The following DMD variants were observed in gnomAD, a reference collection of about 807,000 sequenced individuals.
DMD encodes the protein mutant dystrophin.
In DMD, 63 loss-of-function variants were observed where a neutral mutation model predicts 330.1. The observed-to-expected ratio is 0.19, with a 90% CI of 0.16 to 0.24. The LOEUF (loss-of-function observed/expected upper bound fraction) is 0.24, where lower values mean the gene tolerates loss of function less well. Among genes scored for constraint, DMD ranks in the 10% least tolerant of loss-of-function variants. The probability of loss-of-function intolerance (pLI) is 1.00; values close to 1 mark genes in which losing one functional copy is unlikely to be tolerated. For synonymous variants in DMD, 1,223 were observed against 959.8 expected (o/e 1.27, Z -5.07); for missense variants, 3,344 against 2,684.1 (o/e 1.25, Z -5.43).
chrX:31,141,686 G>A (rs1047796902), intron 76 of DMD, among the ~76,000 whole-genome samples: 7 of 111,225 alleles, frequency 6.3e-5, no homozygotes, highest in African/African-American at 2.3e-4. Flanking sequence ...TGTATAGATT[G>A]GGAAATTGGA....
chrX:31,762,902 T>C (rs1389742192), intron 51 of DMD, among the ~76,000 whole-genome samples: 1 of 112,693 alleles, frequency 8.9e-6, no homozygotes, highest in African/African-American at 3.2e-5. Context: ...TCATTCATCA[T>C]TGACCAAAAC....
intron 47 of DMD, among the ~76,000 whole-genome samples, chrX:31,894,133 T>C (rs899863806): frequency 8.9e-6 from 1 of 112,112 alleles, no homozygotes; most frequent in Non-Finnish European, 1.9e-5. Flanking sequence ...CCTAAGCAGA[T>C]GTAAGCTTAA....
At position 33,248,127 on chromosome X, in the gene DMD, C is replaced by T. The variant is rs189036204; in HGVS notation, c.7+91132G>A. On this transcript the variant is annotated intron_variant, in intron 1 of 17. Transcript: ENST00000288447. Reference sequence around the variant, plus strand: ...CGCGATCTCAGCTCACTGTAAGCTCCGCCTCCCGGGTTCACACCATTCTCC... The same window carrying T: ...CGCGATCTCAGCTCACTGTAAGCTCTGCCTCCCGGGTTCACACCATTCTCC... 1.2e-4 allele frequency among the ~76,000 whole-genome samples: 13 copies of T among 111,141 alleles called. No individual in the cohort carries two copies. The East Asian group carries it at 2.0e-3, about 17-fold the overall frequency.
At chrX:31,653,197 G>A (rs1475557694) in intron 54 of DMD, among the ~76,000 whole-genome samples, 1 of 111,171 alleles carries the variant, frequency 9.0e-6, no homozygotes, top group Non-Finnish European at 1.9e-5. Flanking sequence ...TGCCTTCAAG[G>A]TTGTCAAAGA....
At chrX:32,146,144 CAG>C (rs2096777101) in intron 44 of DMD, among the ~76,000 whole-genome samples, 1 of 112,103 alleles carries the variant, frequency 8.9e-6, no homozygotes, top group African/African-American at 3.2e-5. Flanking sequence ...TTCATATGTG[CAG>C]AGACCTGTGT....
At position 32,390,092 on chromosome X, in the gene DMD, C is replaced by T; in HGVS notation, c.4323G>A (p.Leu1441=). Residue 1441 remains leucine, a synonymous_variant, in exon 31 of 79, where the codon CTG becomes CTA. Coordinates refer to ENST00000357033, the MANE Select transcript of DMD (RefSeq NM_004006.3). Reference sequence around the variant, plus strand: ...ATACCTGTGCAACATCAATCTGAGACAGGACTCTTTGGGCAGCCTCCTTCC... The same window carrying T: ...ATACCTGTGCAACATCAATCTGAGATAGGACTCTTTGGGCAGCCTCCTTCC... ...NQGKEAAQRV[L]SQIDVAQKKL... is the part of the protein sequence containing the mutation. The T allele has an allele frequency of 8.3e-7, 1 of 1,207,949 alleles. No individual in the cohort carries two copies. Among genetic ancestry groups the T allele is most frequent in the Non-Finnish European group, 1.1e-6 (1 of 892,032 alleles).
chrX:32,088,011 C>T (rs1232939624), intron 44 of DMD, among the ~76,000 whole-genome samples: 1 of 112,301 alleles, frequency 8.9e-6, no homozygotes, highest in Admixed American at 9.5e-5. Context: ...GGGAAATGTA[C>T]TGTATGTTAT....
At chrX:31,934,632 T>A (rs1285945359) in intron 45 of DMD, among the ~76,000 whole-genome samples, 1 of 111,357 alleles carries the variant, frequency 9.0e-6, no homozygotes, top group African/African-American at 3.3e-5. Context: ...ACATCTGATC[T>A]AGAAGTACTT....
In DMD at chrX:32,335,404, CAT is replaced by C. The variant is rs1193332733; in HGVS notation, c.5922+6694_5922+6695del. 4.9e-5 allele frequency among the ~76,000 whole-genome samples: 5 copies of C among 102,921 alleles called. No individual in the cohort carries two copies. In the East Asian group the frequency reaches 9.0e-4, roughly 18 times the overall value. The allele number at this position is 102,921 out of a possible 115,157, so 89.4% of individuals were successfully genotyped here. A position where few individuals can be genotyped will look rare whatever the true frequency, so the allele number is the denominator to read the frequency against. ...AAACATATATAATACATATATATAA[CAT>C]ATATATATAACTTGTATATATATGT... On this transcript the variant is annotated intron_variant, in intron 41 of 78. Coordinates refer to ENST00000357033, the MANE Select transcript of DMD (RefSeq NM_004006.3).
At chrX:32,785,232 A>G (rs148030155) in intron 7 of DMD, among the ~76,000 whole-genome samples, 2,157 of 110,404 alleles carry the variant, frequency 0.02, 47 homozygotes, top group African/African-American at 0.067. Context: ...AGACTAGTCT[A>G]TATGTACTCT....
At chrX:31,645,489 T>A (rs2080034663) in intron 54 of DMD, among the ~76,000 whole-genome samples, 2 of 112,232 alleles carry the variant, frequency 1.8e-5, no homozygotes, top group African/African-American at 6.5e-5. Flanking sequence ...AGAGTCAAAA[T>A]TCACGTAACA....
chrX:31,799,524 C>G (rs1319048788), intron 50 of DMD, among the ~76,000 whole-genome samples: 1 of 111,492 alleles, frequency 9.0e-6, no homozygotes, highest in East Asian at 2.8e-4. Flanking sequence ...TCCCATGACA[C>G]CTGGGGATTT....
At chrX:33,068,609 T>C (rs1177962334) in intron 1 of DMD, among the ~76,000 whole-genome samples, 1 of 112,515 alleles carries the variant, frequency 8.9e-6, no homozygotes, top group Non-Finnish European at 1.9e-5. Context: ...GTGAGTTCTA[T>C]CTATGTGTGT....
chrX:32,515,869 G>A (rs228329), intron 18 of DMD, among the ~76,000 whole-genome samples: 22,790 of 110,868 alleles, frequency 0.21, 1,826 homozygotes, highest in Middle Eastern at 0.25. Flanking sequence ...TCCCCCAGAA[G>A]TCAGCTTTTA....
chrX:32,894,543 C>T (rs373267452), intron 2 of DMD, among the ~76,000 whole-genome samples: 4 of 112,610 alleles, frequency 3.6e-5, no homozygotes, highest in African/African-American at 1.3e-4. Flanking sequence ...TAATGACGTT[C>T]ACCTGGCAAC....
intron 51 of DMD, among the ~76,000 whole-genome samples, chrX:31,740,996 T>C (rs183828355): frequency 4.2e-4 from 47 of 112,214 alleles, no homozygotes; most frequent in African/African-American, 1.5e-3. Flanking sequence ...ATTTCAACAA[T>C]GTTCACAGCA....
chrX:32,010,323 G>A (rs1337451210), intron 44 of DMD, among the ~76,000 whole-genome samples: 3 of 111,427 alleles, frequency 2.7e-5, no homozygotes, highest in African/African-American at 6.5e-5. Context: ...GCTACTGCCC[G>A]TTTCTTTCCA....
Position 32,440,118 on chromosome X carries a change from C to T in DMD, c.3921+1062G>A, listed in dbSNP as rs1333975815. ...CAATTTCATAGGCTAACAGCATCAT[C>T]CTATCTTCTGTTCTGGCCACTGTCC... is the stretch of plus-strand genomic sequence containing the variant. On this transcript the variant is annotated intron_variant, in intron 28 of 78. Transcript: ENST00000357033. Among the ~76,000 whole-genome samples, 5 of 111,517 alleles carry T rather than the reference C, an allele frequency of 4.5e-5. No homozygotes were observed. In the East Asian group the frequency reaches 1.4e-3, roughly 32 times the overall value.
At chrX:32,774,981 A>G (rs57884570) in intron 7 of DMD, among the ~76,000 whole-genome samples, 9,202 of 112,266 alleles carry the variant, frequency 0.082, 920 homozygotes, top group African/African-American at 0.28. Flanking sequence ...GGTACAATGC[A>G]GGTATAAGTA....
Sources: allele counts gnomAD v4.1 joint callset (sites outside exome capture counted in the v4.1 genomes callset), GRCh38; gene constraint gnomAD v4.1.1; transcripts MANE v1.5; gene names NCBI Gene and HGNC (gene_info 2026-07-23, HGNC 2026-07-21).